Variants in SOS2 observed in about 807,000 individuals in gnomAD.
The protein encoded by SOS2 is son of sevenless homolog 2.
A neutral mutation model predicts 148.2 loss-of-function variants in SOS2; 65 were observed. That is an observed-to-expected ratio of 0.44 (90% CI 0.36 to 0.54). SOS2 has a LOEUF of 0.54. SOS2 is among the 20% of genes least tolerant of loss of function. SOS2 has a pLI of 0.00. For synonymous variants in SOS2, 539 were observed against 537.1 expected (o/e 1.00, Z -0.05); for missense variants, 1,341 against 1,590.2 (o/e 0.84, Z 2.67).
intron 6 of SOS2, among the ~76,000 whole-genome samples, chr14:50,181,141 T>C (rs767770217): frequency 2.6e-5 from 4 of 152,120 alleles, no homozygotes; most frequent in Admixed American, 6.5e-5. Context: ...TCCAGGAATA[T>C]ATCCTTAAAA....
chr14:50,133,669 AC>A (rs1883981570), intron 19 of SOS2, among the ~76,000 whole-genome samples: 1 of 152,174 alleles, frequency 6.6e-6, no homozygotes, highest in Non-Finnish European at 1.5e-5. Context: ...TTCTGTTGCC[AC>A]TGCAAACTCC....
intron 11 of SOS2, among the ~76,000 whole-genome samples, chr14:50,158,308 A>G (rs115134938): frequency 7.3e-4 from 111 of 152,264 alleles, no homozygotes; most frequent in African/African-American, 2.6e-3. Flanking sequence ...AATATTCATT[A>G]AAATATAGTG....
chr14:50,160,228 A>G, intron 9 of SOS2, 142 bp from the exon 10 acceptor site: 1 of 629,324 alleles, frequency 1.6e-6, no homozygotes, highest in Non-Finnish European at 2.7e-6. Flanking sequence ...TAACTTTGCC[A>G]CTAAATAATA....
rs1456011298 is a variant in SOS2, at chr14:50,199,839, T to C, written c.362A>G (p.Lys121Arg). ...ATATAGGGATACATGGTAGTCCACTTTGTACCCTAATACTTCCTGTGAAAA... is the reference window on the plus strand; with the variant it reads ...ATATAGGGATACATGGTAGTCCACTCTGTACCCTAATACTTCCTGTGAAAA... The part of the protein sequence containing the change: ...HPSLKEVLGY[K>R]VDYHVSLYIV... Residue 121 changes from lysine to arginine, a missense_variant, in exon 4 of 23, where the codon AAA becomes AGA. Physicochemically the swap from Lys to Arg is conservative, Grantham distance 26. Around this residue, in one of 4 missense-constraint regions of SOS2, gnomAD observed 574 missense variants for 711.1 expected, o/e 0.81. Transcript: ENST00000216373. 3 of 1,579,302 alleles carry C rather than the reference T, an allele frequency of 1.9e-6. No individual in the cohort carries two copies. In the African/African-American group the frequency reaches 4.1e-5, roughly 21 times the overall value.
intron 1 of SOS2, among the ~76,000 whole-genome samples, chr14:50,207,848 G>A (rs1356074199): frequency 2.0e-5 from 3 of 150,166 alleles, no homozygotes; most frequent in South Asian, 4.2e-4. Context: ...AGACGCTGCC[G>A]TGAGCTGAGA....
intron 7 of SOS2, among the ~76,000 whole-genome samples, chr14:50,178,931 C>T (rs1466086628): frequency 6.6e-6 from 1 of 151,876 alleles, no homozygotes; most frequent in Non-Finnish European, 1.5e-5. Flanking sequence ...GACAGGGTTT[C>T]GCCAGGCTGG....
chr14:50,165,214 T>C (rs911662024), intron 8 of SOS2, among the ~76,000 whole-genome samples: 4 of 152,220 alleles, frequency 2.6e-5, no homozygotes, highest in Admixed American at 1.3e-4. Flanking sequence ...AGTAATCTAC[T>C]GCATAATCTA....
Position 50,161,119 on chromosome 14 carries a change from C to T in SOS2, c.1196+363G>A, listed in dbSNP as rs374734499. Among the ~76,000 whole-genome samples, 94 of 152,004 alleles carry T rather than the reference C, an allele frequency of 6.2e-4. 1 individual carries two copies. The highest frequency in any genetic ancestry group is 2.1e-3 in the African/African-American group (87 of 41,478). Reference sequence around the variant, plus strand: ...ACCAGTCTGGCCGACGCGGTAAAACCCCGTCTCTACTAAAAATACAAAAAT... The same window carrying T: ...ACCAGTCTGGCCGACGCGGTAAAACTCCGTCTCTACTAAAAATACAAAAAT... On this transcript the variant is annotated intron_variant, in intron 9 of 22. Coordinates refer to ENST00000216373, the MANE Select transcript of SOS2 (RefSeq NM_006939.4).
intron 5 of SOS2, among the ~76,000 whole-genome samples, chr14:50,183,960 A>G (rs112211368): frequency 3.3e-5 from 5 of 152,342 alleles, no homozygotes; most frequent in African/African-American, 1.2e-4. Flanking sequence ...TAGGCCATAT[A>G]GGTATAGCCT....
intron 21 of SOS2, among the ~76,000 whole-genome samples, chr14:50,124,995 G>A (rs915565842): frequency 6.6e-6 from 1 of 152,086 alleles, no homozygotes; most frequent in Admixed American, 6.5e-5. Context: ...CTACTTCTAC[G>A]ATGGCACAGT....
In SOS2 at chr14:50,138,634, A is replaced by G; in HGVS notation, c.2936T>C (p.Leu979Ser). The change falls in exon 18 of 23, where the codon TTA (leucine) becomes TCA (serine). Residue 979 changes from leucine (L) to serine (S), a missense_variant. This residue lies in a region of SOS2 where 408 missense variants were observed against 506.6 expected (regional missense o/e 0.81). Transcript: ENST00000216373. ...TACCCTCATATCTGGTTCTATCCGTAAACAGTAAGGCTGATTCTGATACTG... is the reference window on the plus strand; with the variant it reads ...TACCCTCATATCTGGTTCTATCCGTGAACAGTAAGGCTGATTCTGATACTG... ...IQQYQNQPYC[L>S]RIEPDMRRFF... 1.3e-6 allele frequency: 2 copies of G among 1,564,002 alleles called. No homozygotes were observed. Among genetic ancestry groups the G allele is most frequent in the Non-Finnish European group, 1.7e-6 (2 of 1,155,486 alleles).
chr14:50,189,843 A>AT (rs1168145254), intron 4 of SOS2, among the ~76,000 whole-genome samples: 51 of 45,128 alleles, frequency 1.1e-3, no homozygotes, highest in South Asian at 4.8e-3. Context: ...ACTATACTTT[A>AT]TTTTTTATTT....
intron 21 of SOS2, among the ~76,000 whole-genome samples, chr14:50,128,572 T>A (rs1266566962): frequency 1.3e-5 from 2 of 152,116 alleles, no homozygotes; most frequent in Non-Finnish European, 2.9e-5. Context: ...GAAATTCTCA[T>A]CCACCATAAG....
intron 1 of SOS2, among the ~76,000 whole-genome samples, chr14:50,224,312 TATACACACACACACACAC>T (rs1223774784): frequency 8.6e-4 from 46 of 53,282 alleles, no homozygotes; most frequent in African/African-American, 2.7e-3. Context: ...AAAATATATA[TATACACACACACACACAC>T]ACACACACAC....
At chr14:50,156,115 T>G (rs1466386679) in intron 12 of SOS2, 1 of 152,080 alleles carries the variant, frequency 6.6e-6, no homozygotes, top group African/African-American at 2.4e-5. Context: ...ACTTGAAATT[T>G]AGAGAGAAAA....
chr14:50,202,083 A>G (rs764033714), intron 2 of SOS2, among the ~76,000 whole-genome samples: 9 of 152,086 alleles, frequency 5.9e-5, no homozygotes, highest in Non-Finnish European at 1.3e-4. Context: ...CCACCTCAGC[A>G]TCCCGAGTAG....
intron 1 of SOS2, among the ~76,000 whole-genome samples, chr14:50,225,975 T>C (rs1887358890): frequency 2.6e-5 from 4 of 151,876 alleles, no homozygotes; most frequent in Admixed American, 2.6e-4. Flanking sequence ...AAACAAATCA[T>C]GTTCTTACTT....
At chr14:50,151,284 T>C (rs1382129944) in intron 13 of SOS2, among the ~76,000 whole-genome samples, 1 of 152,242 alleles carries the variant, frequency 6.6e-6, no homozygotes, top group Non-Finnish European at 1.5e-5. Flanking sequence ...TGCTTGCACT[T>C]TGTGGAAGAA....
At chr14:50,131,684 CATG>C (rs1883871934) in intron 19 of SOS2, among the ~76,000 whole-genome samples, 1 of 152,092 alleles carries the variant, frequency 6.6e-6, no homozygotes, top group African/African-American at 2.4e-5. Context: ...ATATCAAATC[CATG>C]ATGATGCTTG....
Sources: gnomAD v4.1 joint callset for allele counts (sites outside exome capture counted in the v4.1 genomes callset) on GRCh38, gnomAD v4.1.1 for gene constraint, gnomAD v4.1.1 regional missense constraint, MANE v1.5 for transcripts, NCBI Gene and HGNC (gene_info 2026-07-23, HGNC 2026-07-21) for gene names.